CAST: variants seen among roughly 807,000 people sequenced by gnomAD.
The protein encoded by CAST is MIR583 host.
Under a neutral mutation model 119.6 loss-of-function variants are expected in CAST, and 76 were observed. That is an observed-to-expected ratio of 0.64 (90% confidence interval 0.53 to 0.77). The LOEUF is 0.77. Ranked by LOEUF, CAST falls within the 30% of genes least tolerant of loss-of-function variation. The pLI, the probability that CAST is intolerant of heterozygous loss-of-function variation, is 0.00. For synonymous variants in CAST, 319 were observed against 331.6 expected (o/e 0.96, Z 0.41); for missense variants, 953 against 946.5 (o/e 1.01, Z -0.09).
At chr5:96,765,176 C>A in intron 25 of CAST, 45 bp from the exon 26 acceptor site, 1 of 1,102,650 alleles carries the variant, frequency 9.1e-7, no homozygotes. Flanking sequence ...GCCTCTGATA[C>A]AGTTTGGCTA....
chr5:96,050,636 T>G, the CAST span, among the ~76,000 whole-genome samples: 1 of 152,162 alleles, frequency 6.6e-6, no homozygotes, highest in South Asian at 2.1e-4. Flanking sequence ...AGACGTGGTT[T>G]TATTAAGCTA....
the CAST span, among the ~76,000 whole-genome samples, chr5:96,057,535 T>G: frequency 6.6e-6 from 1 of 152,154 alleles, no homozygotes; most frequent in East Asian, 1.9e-4. Context: ...ATTTTCAGAT[T>G]TCTGATTGAT....
At chr5:96,128,178 C>T in the CAST span, among the ~76,000 whole-genome samples, 5 of 152,092 alleles carry the variant, frequency 3.3e-5, no homozygotes, top group Non-Finnish European at 4.4e-5. Context: ...CTGTTCCCTT[C>T]GTGTAATTAG....
the CAST span, among the ~76,000 whole-genome samples, chr5:96,065,403 G>C: frequency 4.6e-5 from 1 of 21,886 alleles, no homozygotes; most frequent in African/African-American, 1.9e-4. Flanking sequence ...TTAATGATCT[G>C]TGTGTGTGTG....
At chr5:96,400,190 G>C in the CAST span, 1 of 1,605,456 alleles carries the variant, frequency 6.2e-7, no homozygotes, top group Non-Finnish European at 8.5e-7. Flanking sequence ...ATTTGGGCTG[G>C]AGGGGAAGTG....
At chr5:96,486,105 A>G in the CAST span, among the ~76,000 whole-genome samples, 1 of 152,184 alleles carries the variant, frequency 6.6e-6, no homozygotes, top group East Asian at 1.9e-4. Flanking sequence ...CAGGACAGCT[A>G]TATAAAAACC....
chr5:96,379,911 T>C, the CAST span, among the ~76,000 whole-genome samples: 1 of 152,190 alleles, frequency 6.6e-6, no homozygotes, highest in East Asian at 1.9e-4. Flanking sequence ...AGTGCCAGGA[T>C]TGGATAGAGG....
At chr5:96,706,432 G>T (rs1754994727) in intron 3 of CAST, among the ~76,000 whole-genome samples, 1 of 152,158 alleles carries the variant, frequency 6.6e-6, no homozygotes, top group African/African-American at 2.4e-5. Flanking sequence ...GTGCTGTCAC[G>T]ATACTGTAAA....
intron 1 of CAST, chr5:96,584,709 G>A (rs1746827310): frequency 6.6e-6 from 1 of 152,124 alleles, no homozygotes; most frequent in Non-Finnish European, 1.5e-5. Flanking sequence ...GAATCCAGAA[G>A]TTTAGAGGAG....
At chr5:96,424,691 G>A in the CAST span, among the ~76,000 whole-genome samples, 7 of 152,132 alleles carry the variant, frequency 4.6e-5, no homozygotes, top group Admixed American at 4.6e-4. Flanking sequence ...GGCCCGGTGC[G>A]GTGGCTCATG....
At chr5:96,448,838 A>G in the CAST span, among the ~76,000 whole-genome samples, 1 of 152,230 alleles carries the variant, frequency 6.6e-6, no homozygotes, top group Non-Finnish European at 1.5e-5. Context: ...ATCATATGCC[A>G]TTTAAAAAAT....
At chr5:96,069,405 GTGTCTA>G in the CAST span, among the ~76,000 whole-genome samples, 1 of 151,198 alleles carries the variant, frequency 6.6e-6, no homozygotes, top group African/African-American at 2.4e-5. Flanking sequence ...GTGTGTGTGT[GTGTCTA>G]TGTGTGTGTG....
the CAST span, among the ~76,000 whole-genome samples, chr5:96,107,696 T>C: frequency 6.6e-6 from 1 of 152,172 alleles, no homozygotes; most frequent in Non-Finnish European, 1.5e-5. Flanking sequence ...CTGACAATTA[T>C]GTGTCTTGGA....
chr5:96,404,320 C>G, the CAST span, among the ~76,000 whole-genome samples: 1 of 152,126 alleles, frequency 6.6e-6, no homozygotes, highest in Non-Finnish European at 1.5e-5. Context: ...GGTTGAATAC[C>G]AGAAACTCCT....
chr5:96,680,857 T>C (rs1047122024), intron 2 of CAST, among the ~76,000 whole-genome samples: 2 of 152,236 alleles, frequency 1.3e-5, no homozygotes, highest in African/African-American at 4.8e-5. Flanking sequence ...TTCTTTTATG[T>C]CATGACAAGA....
At chr5:96,360,129 T>A in the CAST span, among the ~76,000 whole-genome samples, 2 of 151,986 alleles carry the variant, frequency 1.3e-5, no homozygotes, top group African/African-American at 4.8e-5. Flanking sequence ...TCGCTTCAGC[T>A]ATTGATAGTT....
At chr5:96,694,884 G>A (rs899088992) in intron 2 of CAST, among the ~76,000 whole-genome samples, 12 of 152,118 alleles carry the variant, frequency 7.9e-5, no homozygotes, top group African/African-American at 2.7e-4. Context: ...AACCTCATAT[G>A]ACCTTAAAGG....
chr5:96,139,462 G>A, the CAST span, among the ~76,000 whole-genome samples: 1 of 149,718 alleles, frequency 6.7e-6, no homozygotes, highest in Non-Finnish European at 1.5e-5. Flanking sequence ...AAAAGTTGGG[G>A]TAGTATAGCT....
chr5:96,534,781 GAAAGAAAGAAAGAAAGAAAGAAGA>G (rs1411324342), intron 1 of CAST, among the ~76,000 whole-genome samples: 10 of 114,476 alleles, frequency 8.7e-5, no homozygotes, highest in African/African-American at 1.7e-4. Context: ...AAGAAAGAAA[GAAAGAAAGAAAGAAAGAAAGAAGA>G]AAGAAAGAAA....
Sources: allele counts gnomAD v4.1 joint callset (sites outside exome capture counted in the v4.1 genomes callset), GRCh38; gene constraint gnomAD v4.1.1; transcripts MANE v1.5; gene names NCBI Gene and HGNC (gene_info 2026-07-23, HGNC 2026-07-21).